The following FAAH2 variants were observed in gnomAD, a reference collection of about 807,000 sequenced individuals.
FAAH2 encodes fatty acid amide hydrolase 2, also known as fatty-acid amide hydrolase 2.
A neutral mutation model predicts 36.9 loss-of-function variants in FAAH2; 60 were observed. The ratio of observed to expected loss-of-function variants is 1.63; its 90% CI spans 1.32 to 2.02. FAAH2 has a LOEUF of 2.02. Ranked by LOEUF, FAAH2 falls within the 30% of genes most tolerant of loss-of-function variation. FAAH2 has a pLI of 0.00. For synonymous variants in FAAH2, 214 were observed against 143.8 expected (o/e 1.49, Z -3.49); for missense variants, 689 against 397.5 (o/e 1.73, Z -6.23).
chrX:57,268,201 G>A, the FAAH2 span, among the ~76,000 whole-genome samples: 30 of 111,875 alleles, frequency 2.7e-4, no homozygotes, highest in African/African-American at 4.9e-4. Flanking sequence ...ATTTCATAAT[G>A]CAATCACAAG....
At chrX:57,327,592 T>A (rs1425385133) in intron 3 of FAAH2, among the ~76,000 whole-genome samples, 1 of 111,532 alleles carries the variant, frequency 9.0e-6, no homozygotes, top group Non-Finnish European at 1.9e-5. Flanking sequence ...ATTCATTTGA[T>A]CTTCCATCAC....
chrX:57,174,569 A>T, the FAAH2 span, among the ~76,000 whole-genome samples: 1 of 110,985 alleles, frequency 9.0e-6, no homozygotes, highest in African/African-American at 3.3e-5. Flanking sequence ...TTTGGGGGGA[A>T]TCAAATTCAT....
intron 5 of FAAH2, among the ~76,000 whole-genome samples, chrX:57,371,852 A>T (rs183005077): frequency 9.0e-6 from 1 of 111,312 alleles, no homozygotes. Flanking sequence ...CATTATGTCA[A>T]TGTTTACCCA....
chrX:57,246,807 G>A, the FAAH2 span, among the ~76,000 whole-genome samples: 1 of 111,294 alleles, frequency 9.0e-6, no homozygotes, highest in East Asian at 2.8e-4. Flanking sequence ...TTGTGGGTTG[G>A]TGATATATGG....
the FAAH2 span, among the ~76,000 whole-genome samples, chrX:57,228,322 T>C: frequency 9.0e-6 from 1 of 111,404 alleles, no homozygotes; most frequent in Non-Finnish European, 1.9e-5. Flanking sequence ...GCCTTTCTGC[T>C]ACTTCCTCTA....
At chrX:57,160,629 G>C in the FAAH2 span, among the ~76,000 whole-genome samples, 60,927 of 111,066 alleles carry the variant, frequency 0.55, 14,470 homozygotes, top group Non-Finnish European at 0.75. Context: ...TATTTGCCTA[G>C]AGGTGTTTAT....
At chrX:57,438,319 G>T in intron 8 of FAAH2, among the ~76,000 whole-genome samples, 1 of 106,544 alleles carries the variant, frequency 9.4e-6, no homozygotes, top group Non-Finnish European at 1.9e-5. Context: ...AGAAAAAGTA[G>T]ATGACACAAA....
chrX:57,349,291 A>G (rs2053927908), intron 5 of FAAH2, among the ~76,000 whole-genome samples: 1 of 96,071 alleles, frequency 1.0e-5, no homozygotes, highest in African/African-American at 3.7e-5. Flanking sequence ...ATATACATAT[A>G]TACACAGATA....
chrX:57,239,736 A>C, the FAAH2 span, among the ~76,000 whole-genome samples: 1 of 111,586 alleles, frequency 9.0e-6, no homozygotes, highest in Admixed American at 9.5e-5. Flanking sequence ...TTATTTTAAA[A>C]AGAATTAAAA....
intron 7 of FAAH2, among the ~76,000 whole-genome samples, chrX:57,416,873 T>C (rs2055859797): frequency 8.9e-6 from 1 of 112,306 alleles, no homozygotes; most frequent in Non-Finnish European, 1.9e-5. Context: ...CAATCAAACG[T>C]AGGTTTGGTC....
the FAAH2 span, among the ~76,000 whole-genome samples, chrX:57,154,595 T>C: frequency 3.6e-5 from 4 of 110,487 alleles, no homozygotes; most frequent in African/African-American, 1.3e-4. Context: ...TTTATTTTTA[T>C]TTTTTTAAAT....
the FAAH2 span, among the ~76,000 whole-genome samples, chrX:57,157,006 C>T: frequency 8.9e-6 from 1 of 112,268 alleles, no homozygotes; most frequent in South Asian, 3.7e-4. Flanking sequence ...CAGCAGATTG[C>T]CTTCTTCGTC....
At chrX:57,216,850 CTG>C in the FAAH2 span, among the ~76,000 whole-genome samples, 1 of 107,043 alleles carries the variant, frequency 9.3e-6, no homozygotes, top group African/African-American at 3.4e-5. Context: ...AATCTCCACA[CTG>C]TTTTCCATAG....
intron 7 of FAAH2, among the ~76,000 whole-genome samples, chrX:57,427,576 C>A (rs773805760): frequency 4.0e-4 from 45 of 111,530 alleles, no homozygotes; most frequent in African/African-American, 1.5e-3. Flanking sequence ...TTGGTTTTAA[C>A]CCAGAGATGA....
At chrX:57,370,622 C>A (rs1256307732) in intron 5 of FAAH2, among the ~76,000 whole-genome samples, 1 of 111,901 alleles carries the variant, frequency 8.9e-6, no homozygotes, top group Admixed American at 9.5e-5. Context: ...GGGTCCCCAA[C>A]CCCCAGGCCA....
the FAAH2 span, chrX:57,135,353 A>T: frequency 6.9e-6 from 1 of 144,361 alleles, no homozygotes; most frequent in African/African-American, 3.3e-5. Context: ...TCTGAGTTGG[A>T]TGTTTCCTTC....
rs1365967536 is a variant in FAAH2, at chrX:57,384,133, G to A, written c.996+3104G>A. ...ACTGGCTAGCCATATGTAGAAAGCT[G>A]AAACTGGATCCCTTCCTTACACCTT... On this transcript the variant is annotated intron_variant, in intron 7 of 10. Coordinates refer to ENST00000374900, the MANE Select transcript of FAAH2 (RefSeq NM_174912.4). Among the ~76,000 whole-genome samples, 18 of 110,417 alleles carry A rather than the reference G, an allele frequency of 1.6e-4. No homozygotes were observed. The Admixed American group carries it at 1.7e-3, about 11-fold the overall frequency.
chrX:57,144,923 T>TGCAC, the FAAH2 span, among the ~76,000 whole-genome samples: 9 of 105,439 alleles, frequency 8.5e-5, no homozygotes, highest in East Asian at 3.0e-4. Context: ...TGTGTGTGCA[T>TGCAC]ACACACACAC....
At chrX:57,172,795 C>T in the FAAH2 span, among the ~76,000 whole-genome samples, 1 of 111,593 alleles carries the variant, frequency 9.0e-6, no homozygotes, top group African/African-American at 3.3e-5. Flanking sequence ...TGCCAGCCTG[C>T]TGGTGTGCTC....
Sources: gnomAD v4.1 joint callset for allele counts (sites outside exome capture counted in the v4.1 genomes callset) on GRCh38, gnomAD v4.1.1 for gene constraint, MANE v1.5 for transcripts, NCBI Gene and HGNC (gene_info 2026-07-23, HGNC 2026-07-21) for gene names.